SYK: variants seen among roughly 807,000 people sequenced by gnomAD.
The protein encoded by SYK is tyrosine-protein kinase SYK.
Under a neutral mutation model 77.8 loss-of-function variants are expected in SYK, and 16 were observed. The ratio of observed to expected loss-of-function variants is 0.21; its 90% CI spans 0.14 to 0.31. The LOEUF (loss-of-function observed/expected upper bound fraction) is 0.31, where lower values mean the gene tolerates loss of function less well. Among genes scored for constraint, SYK ranks in the 10% least tolerant of loss-of-function variants. The pLI, the probability that SYK is intolerant of heterozygous loss-of-function variation, is 1.00. For missense variants in SYK, 529 were observed against 814.4 expected, an observed-to-expected ratio of 0.65 and a Z score of 4.26; for synonymous variants, 312 against 308.7, an observed-to-expected ratio of 1.01 and a Z score of -0.11.
intron 12 of SYK, 22 bp from the exon 13 acceptor site, chr9:90,888,493 A>G: frequency 2.6e-6 from 4 of 1,542,656 alleles, no homozygotes; most frequent in Non-Finnish European, 1.7e-6. Flanking sequence ...AAAAAAGCTT[A>G]TGCATATCTT....
At chr9:90,841,277 C>G (rs888468113) in intron 1 of SYK, among the ~76,000 whole-genome samples, 1 of 143,158 alleles carries the variant, frequency 7.0e-6, no homozygotes, top group African/African-American at 2.6e-5. Flanking sequence ...TGGGTGTGTA[C>G]TGTGTTATGT....
At chr9:90,820,571 A>G (rs1453078965) in intron 1 of SYK, among the ~76,000 whole-genome samples, 1 of 152,154 alleles carries the variant, frequency 6.6e-6, no homozygotes, top group Non-Finnish European at 1.5e-5. Context: ...CCACAGCTGG[A>G]GCAGCTGGGA....
At chr9:90,802,382 A>G (rs1014030903) in intron 1 of SYK, among the ~76,000 whole-genome samples, 13 of 152,218 alleles carry the variant, frequency 8.5e-5, no homozygotes, top group African/African-American at 3.1e-4. Context: ...GCTTAGACAA[A>G]TCTTTTACTA....
intron 1 of SYK, among the ~76,000 whole-genome samples, chr9:90,835,803 G>T (rs926912561): frequency 1.3e-5 from 2 of 152,094 alleles, no homozygotes; most frequent in Admixed American, 6.5e-5. Flanking sequence ...CCTCCATCTG[G>T]ACACACAGCA....
chr9:90,817,845 T>TTGTGTGTG lies in SYK; in HGVS notation c.-42+15983_-42+15990dup, dbSNP rs746939088. On this transcript the variant is annotated intron_variant, in intron 1 of 13. Coordinates refer to ENST00000375754, the MANE Select transcript of SYK (RefSeq NM_003177.7). ...AATATTTCCTCCCTTCTCAATAATGTTGTGTGTGTGTGTGTGTGTGTGTGT... is the reference window on the plus strand; with the variant it reads ...AATATTTCCTCCCTTCTCAATAATGTTGTGTGTGTGTGTGTGTGTGTGTGTGTGTGTGT... Among the ~76,000 whole-genome samples, 1,085 of 137,514 alleles carry TTGTGTGTG rather than the reference T, an allele frequency of 7.9e-3. 10 individuals are homozygous for TTGTGTGTG. The highest frequency in any genetic ancestry group is 0.021 in the African/African-American group (745 of 35,578). The allele number at this position is 137,514 out of a possible 152,430, so 90.2% of individuals were successfully genotyped here.
intron 1 of SYK, chr9:90,827,669 G>A (rs183264027): frequency 6.6e-6 from 1 of 152,300 alleles, no homozygotes; most frequent in East Asian, 1.9e-4. Flanking sequence ...GGATACTTAG[G>A]TTTCATGCCT....
intron 3 of SYK, 39 bp downstream of exon 3, chr9:90,845,633 G>C (rs114502181): frequency 6.2e-7 from 1 of 1,602,540 alleles, no homozygotes; most frequent in East Asian, 2.2e-5. Context: ...CTGCCACCAG[G>C]CCTGTGTGGA....
chr9:90,877,009 G>C (rs1827960251), intron 9 of SYK, among the ~76,000 whole-genome samples: 1 of 152,088 alleles, frequency 6.6e-6, no homozygotes, highest in Admixed American at 6.5e-5. Flanking sequence ...TAGGGTTTTT[G>C]CTTGGTTGGG....
chr9:90,818,708 T>C (rs1257349100), intron 1 of SYK, among the ~76,000 whole-genome samples: 1 of 152,272 alleles, frequency 6.6e-6, no homozygotes, highest in Non-Finnish European at 1.5e-5. Flanking sequence ...TGCCTTTATT[T>C]TTCCTAAAAG....
chr9:90,820,711 T>G (rs147166072), intron 1 of SYK, among the ~76,000 whole-genome samples: 1,925 of 152,306 alleles, frequency 0.013, 44 homozygotes, highest in African/African-American at 0.043. Context: ...TGACATGGCC[T>G]GGAGACATCT....
chr9:90,878,789 G>C lies in SYK; in HGVS notation c.1417G>C (p.Glu473Gln), dbSNP rs2118893859. The stretch of plus-strand genomic sequence containing the variant: ...ACATGTCAAGGATAAGAACATCATA[G>C]AACTGGTTCATCAGGTTTCCATGGG... ...NRHVKDKNII[E>Q]LVHQVSMGMK... The change falls in exon 11 of 14, where the codon GAA (glutamate) becomes CAA (glutamine). Residue 473 changes from glutamate (E) to glutamine (Q), a missense_variant. Around this residue, in one of 2 missense-constraint regions of SYK, gnomAD observed 208 missense variants for 381.3 expected, o/e 0.55. Transcript: ENST00000375754. 2.5e-6 allele frequency: 4 copies of C among 1,613,640 alleles called. No individual in the cohort carries two copies. In the Admixed American group the frequency reaches 6.7e-5, roughly 27 times the overall value.
At chr9:90,837,093 T>C (rs977354518) in intron 1 of SYK, among the ~76,000 whole-genome samples, 1 of 152,108 alleles carries the variant, frequency 6.6e-6, no homozygotes, top group Non-Finnish European at 1.5e-5. Context: ...AGCCTTCTGG[T>C]CAACAGTAGA....
At chr9:90,860,204 TA>T (rs1486051578) in intron 3 of SYK, among the ~76,000 whole-genome samples, 2 of 152,252 alleles carry the variant, frequency 1.3e-5, no homozygotes, top group African/African-American at 4.8e-5. Context: ...CGTAAAAGAT[TA>T]AATTATAGGA....
intron 1 of SYK, among the ~76,000 whole-genome samples, chr9:90,802,207 T>G (rs1478788005): frequency 6.6e-6 from 1 of 151,914 alleles, no homozygotes; most frequent in Non-Finnish European, 1.5e-5. Context: ...GAAAGTGCGG[T>G]CGCGGCCCGG....
chr9:90,897,090 T>A lies in SYK; in HGVS notation c.*1490T>A. 4.4e-6 allele frequency: 1 copy of A among 225,662 alleles called. No individual in the cohort carries two copies. The highest frequency in any genetic ancestry group is 8.8e-6 in the Non-Finnish European group (1 of 113,238). 14.0% of individuals were successfully genotyped at this position (225,662 alleles called of 1,614,324 possible). On this transcript the variant is annotated 3_prime_UTR_variant, in exon 14 of 14. Transcript: ENST00000375754. ...GCCATCATTCTTATGCCAGCAGATA[T>A]AAATAAACTTGGACCCATCTGGTCT...
At chr9:90,833,787 T>G (rs1056441961) in intron 1 of SYK, among the ~76,000 whole-genome samples, 2 of 152,348 alleles carry the variant, frequency 1.3e-5, no homozygotes, top group South Asian at 4.1e-4. Context: ...TAGTCAGCTT[T>G]AGTCCTGGCA....
At chr9:90,885,747 A>C (rs763085332) in intron 11 of SYK, among the ~76,000 whole-genome samples, 3 of 152,212 alleles carry the variant, frequency 2.0e-5, no homozygotes, top group Non-Finnish European at 2.9e-5. Context: ...AAACCACTTA[A>C]AGTCAAAGCA....
At chr9:90,853,203 G>A (rs902124768) in intron 3 of SYK, among the ~76,000 whole-genome samples, 1 of 148,856 alleles carries the variant, frequency 6.7e-6, no homozygotes, top group African/African-American at 2.5e-5. Context: ...ATGGTTCATC[G>A]GGCCTGTCTC....
At position 90,812,809 on chromosome 9, in the gene SYK, G is replaced by C. The variant is rs538447468; in HGVS notation, c.-42+10916G>C. On this transcript the variant is annotated intron_variant, in intron 1 of 13. Transcript: ENST00000375754. ...AGAGAGATTGAGAGAGAGAGGGCTCGTGTTTTTCTGTTGCGAACAGTCCTT... is the reference window on the plus strand; with the variant it reads ...AGAGAGATTGAGAGAGAGAGGGCTCCTGTTTTTCTGTTGCGAACAGTCCTT... Among the ~76,000 whole-genome samples the C allele has an allele frequency of 2.6e-5, 4 of 151,156 alleles. No individual in the cohort carries two copies. The East Asian group carries it at 7.8e-4, about 30-fold the overall frequency.
Sources: allele counts gnomAD v4.1 joint callset (sites outside exome capture counted in the v4.1 genomes callset), GRCh38; gene constraint gnomAD v4.1.1; regional missense constraint gnomAD v4.1.1; transcripts MANE v1.5; gene names NCBI Gene and HGNC (gene_info 2026-07-23, HGNC 2026-07-21).